The following ENOX1 variants were observed in gnomAD, a reference collection of about 807,000 sequenced individuals.
The protein encoded by ENOX1 is candidate growth-related and time keeping constitutive hydroquinone (NADH) oxidase.
In ENOX1, 42 loss-of-function variants were observed where a neutral mutation model predicts 82.5. The observed-to-expected ratio is 0.51, with a 90% CI of 0.40 to 0.66. The LOEUF is 0.66. Among genes scored for constraint, ENOX1 ranks in the 30% least tolerant of loss-of-function variants. The pLI is 0.00. For synonymous variants in ENOX1, 271 were observed against 282.2 expected, an observed-to-expected ratio of 0.96 and a Z score of 0.40; for missense variants, 608 against 811.6, an observed-to-expected ratio of 0.75 and a Z score of 3.05.
intron 14 of ENOX1, among the ~76,000 whole-genome samples, chr13:43,246,915 G>GAAAA (rs908027400): frequency 1.3e-5 from 2 of 152,230 alleles, no homozygotes; most frequent in Non-Finnish European, 2.9e-5. Context: ...AGGAAGAATG[G>GAAAA]AAAGATTCTA....
intron 1 of ENOX1, among the ~76,000 whole-genome samples, chr13:43,739,611 T>C (rs1454584178): frequency 6.6e-6 from 1 of 151,256 alleles, no homozygotes. Flanking sequence ...TATAAACGTG[T>C]GTGGGAGTTA....
rs2080838549 is a variant in ENOX1, at chr13:43,583,421, T to C, written c.-219+84058A>G. On this transcript the variant is annotated intron_variant, in intron 2 of 16. Coordinates refer to ENST00000690772, the MANE Select transcript of ENOX1 (RefSeq NM_001347969.2). ...TATGGCATTCAAAGCCTTTTATAGA[T>C]GACACAGTTTTCTCTTCCACATTAA... 2.0e-5 allele frequency among the ~76,000 whole-genome samples: 3 copies of C among 152,236 alleles called. No individual in the cohort carries two copies. The South Asian group carries it at 6.2e-4, about 32-fold the overall frequency.
intron 3 of ENOX1, among the ~76,000 whole-genome samples, chr13:43,447,496 C>A (rs766204363): frequency 2.0e-5 from 3 of 151,982 alleles, no homozygotes; most frequent in Non-Finnish European, 4.4e-5. Flanking sequence ...GGGTAGGAAC[C>A]CTGCAAGATA....
At chr13:43,490,106 A>AT (rs1011195475) in intron 2 of ENOX1, among the ~76,000 whole-genome samples, 1 of 151,752 alleles carries the variant, frequency 6.6e-6, no homozygotes, top group African/African-American at 2.4e-5. Context: ...GCCCAGCCAG[A>AT]TTTTTTTCTA....
In ENOX1 at chr13:43,562,601, A is replaced by C. The variant is rs12876851; in HGVS notation, c.-218-78449T>G. On this transcript the variant is annotated intron_variant, in intron 2 of 16. Coordinates refer to ENST00000690772, the MANE Select transcript of ENOX1 (RefSeq NM_001347969.2). ...CAGAGTGGCTGAACAGATAAAACAA[A>C]ACTAAACTAAACAAAAAACAAGCCC... Among the ~76,000 whole-genome samples the C allele has an allele frequency of 8.5e-3, 1,295 of 152,166 alleles. 12 individuals are homozygous for C. Among genetic ancestry groups the C allele is most frequent in the Non-Finnish European group, 9.1e-3 (619 of 67,970 alleles).
chr13:43,546,028 C>T (rs2078959677), intron 2 of ENOX1: 1 of 152,136 alleles, frequency 6.6e-6, no homozygotes, highest in South Asian at 2.1e-4. Context: ...TCGAACAAGT[C>T]TTGAAAGATA....
chr13:43,517,408 GAATCA>G (rs1022851235), intron 2 of ENOX1, among the ~76,000 whole-genome samples: 31 of 152,240 alleles, frequency 2.0e-4, no homozygotes, highest in African/African-American at 7.5e-4. Flanking sequence ...TGAGGCAGAA[GAATCA>G]CTTGAACCTA....
chr13:43,584,288 C>T (rs1455412283), intron 2 of ENOX1, among the ~76,000 whole-genome samples: 2 of 152,242 alleles, frequency 1.3e-5, no homozygotes, highest in African/African-American at 4.8e-5. Flanking sequence ...TTCACAAACA[C>T]ACCCATCCCC....
chr13:43,427,318 A>G (rs1333604931), intron 3 of ENOX1, among the ~76,000 whole-genome samples: 2 of 152,202 alleles, frequency 1.3e-5, no homozygotes, highest in Non-Finnish European at 2.9e-5. Context: ...AAGACTCACA[A>G]CAACCTATGA....
At chr13:43,694,402 T>C (rs983296126) in intron 1 of ENOX1, among the ~76,000 whole-genome samples, 8 of 152,200 alleles carry the variant, frequency 5.3e-5, no homozygotes. Context: ...GTTCCTCTCC[T>C]GCTGAGTTTA....
intron 16 of ENOX1, among the ~76,000 whole-genome samples, chr13:43,219,239 C>T (rs183269754): frequency 1.0e-3 from 156 of 152,206 alleles, no homozygotes; most frequent in African/African-American, 3.3e-3. Context: ...GAATCCAGCC[C>T]GGCTTTCAGA....
intron 3 of ENOX1, among the ~76,000 whole-genome samples, chr13:43,415,406 G>A (rs1411833030): frequency 1.3e-5 from 2 of 151,966 alleles, no homozygotes; most frequent in East Asian, 3.8e-4. Context: ...CTTCCGCAGT[G>A]TTTGTGTCCC....
At chr13:43,637,265 C>G (rs1031387519) in intron 2 of ENOX1, among the ~76,000 whole-genome samples, 2 of 152,108 alleles carry the variant, frequency 1.3e-5, no homozygotes, top group Non-Finnish European at 2.9e-5. Context: ...ATCAACTTAC[C>G]AAGCCTCAAA....
intron 5 of ENOX1, among the ~76,000 whole-genome samples, chr13:43,402,781 T>C (rs752771446): frequency 6.6e-6 from 1 of 152,166 alleles, no homozygotes; most frequent in East Asian, 1.9e-4. Context: ...CACACATATA[T>C]ACACACACTT....
intron 2 of ENOX1, among the ~76,000 whole-genome samples, chr13:43,553,527 T>A (rs2079298148): frequency 6.6e-6 from 1 of 152,176 alleles, no homozygotes; most frequent in African/African-American, 2.4e-5. Flanking sequence ...ATGTCATTTG[T>A]ACGATTCACT....
chr13:43,666,194 G>A (rs558579189), intron 2 of ENOX1, among the ~76,000 whole-genome samples: 63 of 152,080 alleles, frequency 4.1e-4, no homozygotes, highest in African/African-American at 1.4e-3. Flanking sequence ...CTGGATGCAG[G>A]GTTGCCACAA....
At chr13:43,772,965 A>T (rs1334917563) in intron 1 of ENOX1, among the ~76,000 whole-genome samples, 1 of 152,168 alleles carries the variant, frequency 6.6e-6, no homozygotes, top group East Asian at 1.9e-4. Flanking sequence ...AGATCATTAC[A>T]AGAGGATTTT....
chr13:43,706,226 A>G lies in ENOX1; in HGVS notation c.-284-38682T>C, dbSNP rs1594490152. Among the ~76,000 whole-genome samples, 3 of 152,056 alleles carry G rather than the reference A, an allele frequency of 2.0e-5. No individual in the cohort carries two copies. In the East Asian group the frequency reaches 5.8e-4, roughly 29 times the overall value. ...TTAAAGTGAATGATCTATGCTACCA[A>G]GTTAAGAAGCTACAGATAGAATAAA... On this transcript the variant is annotated intron_variant, in intron 1 of 16. Transcript: ENST00000690772.
intron 2 of ENOX1, among the ~76,000 whole-genome samples, chr13:43,561,037 T>C (rs983862503): frequency 6.6e-6 from 1 of 152,188 alleles, no homozygotes; most frequent in Non-Finnish European, 1.5e-5. Context: ...CTATCAATAA[T>C]TCTGGGAGGA....
Sources: allele counts gnomAD v4.1 joint callset (sites outside exome capture counted in the v4.1 genomes callset), GRCh38; gene constraint gnomAD v4.1.1; transcripts MANE v1.5; gene names NCBI Gene and HGNC (gene_info 2026-07-23, HGNC 2026-07-21).